The following COL4A1 variants were observed in gnomAD, a reference collection of about 807,000 sequenced individuals.
COL4A1 encodes the protein collagen type IV alpha 1 chain.
In COL4A1, 40 loss-of-function variants were observed where a neutral mutation model predicts 216.6. The observed-to-expected ratio is 0.18, with a 90% CI of 0.14 to 0.24. The LOEUF is 0.24. Among genes scored for constraint, COL4A1 ranks in the 10% least tolerant of loss-of-function variants. The pLI is 1.00. For missense variants in COL4A1, 1,628 were observed against 2,196.8 expected, an observed-to-expected ratio of 0.74 and a Z score of 5.18; for synonymous variants, 839 against 810.7, an observed-to-expected ratio of 1.03 and a Z score of -0.59.
intron 13 of COL4A1, 30 bp from the exon 14 acceptor site, chr13:110,206,921 T>C (rs1879544456): frequency 6.2e-7 from 1 of 1,612,618 alleles, no homozygotes; most frequent in Non-Finnish European, 8.5e-7. Flanking sequence ...AGATCAGCAC[T>C]ATCAAACAGC....
At chr13:110,243,265 T>C (rs1476348754) in intron 1 of COL4A1, among the ~76,000 whole-genome samples, 1 of 152,152 alleles carries the variant, frequency 6.6e-6, no homozygotes, top group Non-Finnish European at 1.5e-5. Flanking sequence ...TTGAATTCAA[T>C]TAAAGCTTGA....
At chr13:110,248,462 C>T (rs1246753475) in intron 1 of COL4A1, among the ~76,000 whole-genome samples, 1 of 152,216 alleles carries the variant, frequency 6.6e-6, no homozygotes, top group African/African-American at 2.4e-5. Context: ...TGGTACGTTG[C>T]TCCAACTGAG....
At chr13:110,219,292 A>G (rs896650908) in intron 2 of COL4A1, among the ~76,000 whole-genome samples, 4 of 152,362 alleles carry the variant, frequency 2.6e-5, no homozygotes, top group Admixed American at 2.6e-4. Flanking sequence ...AACTCTTAAA[A>G]GGATGTATAT....
intron 1 of COL4A1, among the ~76,000 whole-genome samples, chr13:110,257,676 T>C (rs1882639070): frequency 6.6e-6 from 1 of 152,172 alleles, no homozygotes; most frequent in African/African-American, 2.4e-5. Context: ...AGGCCTCCTT[T>C]CCAAACCACA....
At chr13:110,187,067 A>G in intron 25 of COL4A1, 71 bp downstream of exon 25, 2 of 1,555,266 alleles carry the variant, frequency 1.3e-6, no homozygotes, top group Non-Finnish European at 1.8e-6. Flanking sequence ...TATGATTCAA[A>G]TTACTCATTT....
intron 1 of COL4A1, among the ~76,000 whole-genome samples, chr13:110,261,815 T>A (rs1007891150): frequency 6.6e-6 from 1 of 152,198 alleles, no homozygotes; most frequent in African/African-American, 2.4e-5. Flanking sequence ...CCGGGCCTGG[T>A]GCAGTGCCTG....
At chr13:110,196,110 A>G (rs1223996335) in intron 21 of COL4A1, among the ~76,000 whole-genome samples, 1 of 152,254 alleles carries the variant, frequency 6.6e-6, no homozygotes, top group African/African-American at 2.4e-5. Flanking sequence ...CTTGGTTTAG[A>G]GCTCAGCAGA....
intron 2 of COL4A1, among the ~76,000 whole-genome samples, chr13:110,228,562 G>A (rs1274488318): frequency 6.6e-6 from 1 of 152,304 alleles, no homozygotes; most frequent in East Asian, 1.9e-4. Flanking sequence ...GAAACACAGG[G>A]AAGACACACA....
chr13:110,219,396 T>G (rs1273294699), intron 2 of COL4A1, among the ~76,000 whole-genome samples: 1 of 152,144 alleles, frequency 6.6e-6, no homozygotes, highest in African/African-American at 2.4e-5. Flanking sequence ...TGCATTTAAA[T>G]ATTTAACATT....
At chr13:110,258,120 C>T (rs1882658591) in intron 1 of COL4A1, among the ~76,000 whole-genome samples, 1 of 152,188 alleles carries the variant, frequency 6.6e-6, no homozygotes, top group South Asian at 2.1e-4. Flanking sequence ...TTCCTAAAGA[C>T]AAAGAACTTG....
chr13:110,199,178 G>A (rs1594572953), intron 20 of COL4A1, among the ~76,000 whole-genome samples: 1 of 152,250 alleles, frequency 6.6e-6, no homozygotes, highest in South Asian at 2.1e-4. Context: ...GCCCCTGGGA[G>A]AGCTGAGGCC....
At chr13:110,173,750 A>G in intron 40 of COL4A1, 150 bp downstream of exon 40, 1 of 876,960 alleles carries the variant, frequency 1.1e-6, no homozygotes. Context: ...ACTCTACTCC[A>G]CACATCCACA....
chr13:110,239,277 G>A (rs111845595), intron 2 of COL4A1, among the ~76,000 whole-genome samples: 269 of 152,216 alleles, frequency 1.8e-3, no homozygotes, highest in African/African-American at 6.1e-3. Context: ...CTGTCATATC[G>A]CCATAGAAAG....
intron 44 of COL4A1, 58 bp from the exon 45 acceptor site, chr13:110,166,361 TGTG>T: frequency 1.9e-6 from 2 of 1,049,050 alleles, no homozygotes; most frequent in Non-Finnish European, 3.0e-6. Flanking sequence ...TACAAATATG[TGTG>T]TGTATATATC....
intron 2 of COL4A1, among the ~76,000 whole-genome samples, chr13:110,219,828 G>GTA (rs1280363456): frequency 1.1e-4 from 8 of 69,652 alleles, no homozygotes; most frequent in South Asian, 9.1e-4. Flanking sequence ...GTATATATAT[G>GTA]TATGTATGTA....
rs1877866393 is a variant in COL4A1, at chr13:110,176,007, G to A, written c.3058+417C>T. On this transcript the variant is annotated intron_variant, in intron 36 of 51. Transcript: ENST00000375820. ...CACTACAATAGACACTGATGGCAAA[G>A]CATTAAGGCTAGTCCGGGATTGGAG... is the stretch of plus-strand genomic sequence containing the variant. Among the ~76,000 whole-genome samples, 4 of 151,676 alleles carry A rather than the reference G, an allele frequency of 2.6e-5. No homozygotes were observed. The South Asian group carries it at 8.3e-4, about 31-fold the overall frequency.
intron 39 of COL4A1, 29 bp downstream of exon 39, chr13:110,174,417 C>T (rs373422965): frequency 3.8e-4 from 616 of 1,611,390 alleles, no homozygotes; most frequent in Non-Finnish European, 5.1e-4. Flanking sequence ...TCTATGTGCC[C>T]GGGCTGTGTC....
chr13:110,234,578 T>C (rs887109758), intron 2 of COL4A1, among the ~76,000 whole-genome samples: 3 of 151,312 alleles, frequency 2.0e-5, no homozygotes, highest in Non-Finnish European at 4.4e-5. Flanking sequence ...TGAGACTCCA[T>C]CTCAAAAAAG....
At chr13:110,260,497 G>A (rs918252241) in intron 1 of COL4A1, among the ~76,000 whole-genome samples, 6 of 152,206 alleles carry the variant, frequency 3.9e-5, no homozygotes, top group Admixed American at 2.0e-4. Context: ...TGAACTCATA[G>A]ATCCCTAGTA....
Sources: gnomAD v4.1 joint callset for allele counts (sites outside exome capture counted in the v4.1 genomes callset) on GRCh38, gnomAD v4.1.1 for gene constraint, MANE v1.5 for transcripts, NCBI Gene and HGNC (gene_info 2026-07-23, HGNC 2026-07-21) for gene names.